The following DIS3L2 variants were observed in gnomAD, a reference collection of about 807,000 sequenced individuals.
DIS3L2 encodes DIS3 like 3'-5' exoribonuclease 2, also known as DIS3-like exonuclease 2.
DIS3L2 carries 34 observed loss-of-function variants against 97.5 expected under a neutral mutation model. The ratio of observed to expected loss-of-function variants is 0.35; its 90% confidence interval spans 0.27 to 0.46. DIS3L2 has a LOEUF of 0.46. DIS3L2 is among the 20% of genes least tolerant of loss of function. The pLI is 1.00. For synonymous variants in DIS3L2, 435 were observed against 445.2 expected, an observed-to-expected ratio of 0.98 and a Z score of 0.29; for missense variants, 1,038 against 1,146.0, an observed-to-expected ratio of 0.91 and a Z score of 1.36.
intron 3 of DIS3L2, among the ~76,000 whole-genome samples, chr2:232,020,858 C>T (rs1471640377): frequency 1.3e-5 from 2 of 151,962 alleles, no homozygotes; most frequent in East Asian, 1.9e-4. Flanking sequence ...TGTGGCATGT[C>T]GTATGCCTGC....
At chr2:232,301,186 G>T (rs1174352374) in intron 14 of DIS3L2, among the ~76,000 whole-genome samples, 1 of 152,154 alleles carries the variant, frequency 6.6e-6, no homozygotes, top group African/African-American at 2.4e-5. Context: ...AGAAGCTAAG[G>T]TCTAGGGAAC....
downstream of DIS3L2, among the ~76,000 whole-genome samples, chr2:232,338,368 G>T (rs941286368): frequency 7.2e-5 from 11 of 152,190 alleles, no homozygotes; most frequent in African/African-American, 2.7e-4. Context: ...AGCCAGGGGG[G>T]TGAACAAGGG....
At chr2:232,144,246 T>C (rs552629770) in intron 8 of DIS3L2, among the ~76,000 whole-genome samples, 15 of 152,282 alleles carry the variant, frequency 9.9e-5, no homozygotes, top group African/African-American at 3.4e-4. Flanking sequence ...ATTCCCAAAG[T>C]GATTGTACCC....
chr2:232,065,837 G>A (rs1695839151), intron 5 of DIS3L2, among the ~76,000 whole-genome samples: 1 of 151,790 alleles, frequency 6.6e-6, no homozygotes, highest in South Asian at 2.1e-4. Context: ...AATTTCTTTT[G>A]ACAGGATTTT....
chr2:232,083,875 C>G (rs1027524526), intron 5 of DIS3L2, among the ~76,000 whole-genome samples: 1 of 152,150 alleles, frequency 6.6e-6, no homozygotes, highest in Admixed American at 6.5e-5. Context: ...CAGAACTTCT[C>G]TCTCTGAGAT....
At chr2:232,320,317 G>A (rs556606207) in intron 14 of DIS3L2, among the ~76,000 whole-genome samples, 3 of 152,256 alleles carry the variant, frequency 2.0e-5, no homozygotes, top group Admixed American at 6.5e-5. Flanking sequence ...GTGATAAGAC[G>A]AGCGTTAGTT....
At chr2:232,161,323 C>G (rs1690643955) in intron 8 of DIS3L2, among the ~76,000 whole-genome samples, 2 of 152,122 alleles carry the variant, frequency 1.3e-5, no homozygotes, top group South Asian at 4.1e-4. Context: ...AAGCTTAGAT[C>G]ACTGATTTGA....
chr2:231,982,034 A>G (rs891442829), intron 1 of DIS3L2, among the ~76,000 whole-genome samples: 13 of 55,282 alleles, frequency 2.4e-4, no homozygotes, highest in African/African-American at 5.1e-4. Flanking sequence ...CTCTCTCTCA[A>G]AAAGAAAAAA....
intron 5 of DIS3L2, among the ~76,000 whole-genome samples, chr2:232,063,085 C>G (rs1695757584): frequency 6.6e-6 from 1 of 152,184 alleles, no homozygotes; most frequent in African/African-American, 2.4e-5. Flanking sequence ...AGGTCACCTG[C>G]TTCACTCCAG....
intron 13 of DIS3L2, among the ~76,000 whole-genome samples, chr2:232,296,033 T>C (rs1426283277): frequency 1.3e-5 from 2 of 152,220 alleles, no homozygotes; most frequent in Non-Finnish European, 2.9e-5. Flanking sequence ...CTTATAAACT[T>C]CAGAACTGTA....
At chr2:232,221,288 T>C (rs1692500595) in intron 10 of DIS3L2, among the ~76,000 whole-genome samples, 1 of 152,178 alleles carries the variant, frequency 6.6e-6, no homozygotes, top group African/African-American at 2.4e-5. Context: ...AAATGGTGCA[T>C]GTAGATCTTA....
At chr2:232,304,948 A>G (rs891436233) in intron 14 of DIS3L2, among the ~76,000 whole-genome samples, 44 of 151,228 alleles carry the variant, frequency 2.9e-4, no homozygotes, top group African/African-American at 8.5e-4. Context: ...TCTTTTTTCT[A>G]TTTCTGTATC....
intron 6 of DIS3L2, among the ~76,000 whole-genome samples, chr2:232,126,195 T>C (rs1417940043): frequency 6.6e-6 from 1 of 152,226 alleles, no homozygotes; most frequent in Non-Finnish European, 1.5e-5. Flanking sequence ...ATGTGTGATA[T>C]ATAGCTCTTA....
At position 232,176,769 on chromosome 2, in the gene DIS3L2, T is replaced by TTTAA. The variant is rs1222931114; in HGVS notation, c.1124+13160_1124+13163dup. 1.3e-4 allele frequency among the ~76,000 whole-genome samples: 20 copies of TTTAA among 149,430 alleles called. No individual in the cohort carries two copies. In the East Asian group the frequency reaches 1.6e-3, roughly 12 times the overall value. On this transcript the variant is annotated intron_variant, in intron 9 of 20. Transcript: ENST00000325385. Reference sequence around the variant, plus strand: ...ATGCCCGGCTATTTTTTTTTAATTTTTTAATTAATTAATTAATTAATTAAT... The same window carrying TTTAA: ...ATGCCCGGCTATTTTTTTTTAATTTTTTAATTAATTAATTAATTAATTAATTAAT...
chr2:232,134,411 G>A (rs1207120214), intron 7 of DIS3L2, among the ~76,000 whole-genome samples: 1 of 152,200 alleles, frequency 6.6e-6, no homozygotes, highest in Non-Finnish European at 1.5e-5. Context: ...TGCGTTTAAG[G>A]TTAGAGAATA....
chr2:232,222,909 C>T (rs183812850), intron 10 of DIS3L2, among the ~76,000 whole-genome samples: 57 of 152,318 alleles, frequency 3.7e-4, no homozygotes, highest in East Asian at 2.9e-3. Flanking sequence ...CCAATGAGTT[C>T]CTTTTTGAGG....
intron 6 of DIS3L2, among the ~76,000 whole-genome samples, chr2:232,091,718 C>T (rs2106314160): frequency 6.6e-6 from 1 of 152,230 alleles, no homozygotes; most frequent in Middle Eastern, 3.4e-3. Context: ...TTTTGAGGAA[C>T]TTCCAAACTG....
At chr2:232,192,589 T>A (rs1691642901) in intron 9 of DIS3L2, among the ~76,000 whole-genome samples, 1 of 152,186 alleles carries the variant, frequency 6.6e-6, no homozygotes, top group Admixed American at 6.5e-5. Context: ...AGCAATAGTT[T>A]TTAAACTTCT....
intron 13 of DIS3L2, among the ~76,000 whole-genome samples, chr2:232,296,017 A>G (rs1694718279): frequency 6.6e-6 from 1 of 152,158 alleles, no homozygotes; most frequent in African/African-American, 2.4e-5. Context: ...TCAGGTTACA[A>G]TCTTGCTTAT....
Sources: allele counts gnomAD v4.1 joint callset (sites outside exome capture counted in the v4.1 genomes callset), GRCh38; gene constraint gnomAD v4.1.1; transcripts MANE v1.5; gene names NCBI Gene and HGNC (gene_info 2026-07-23, HGNC 2026-07-21).